The following WARS2 variants were observed in gnomAD, a reference collection of about 807,000 sequenced individuals.
The protein encoded by WARS2 is tryptophanyl tRNA synthetase 2, mitochondrial.
In WARS2, 28 loss-of-function variants were observed where a neutral mutation model predicts 36.5. The observed-to-expected ratio is 0.77, with a 90% CI of 0.57 to 1.05. WARS2 has a LOEUF of 1.05. Among genes scored for constraint, WARS2 ranks in the 50% least tolerant of loss-of-function variants. The pLI is 0.00. For synonymous variants in WARS2, 174 were observed against 178.4 expected (o/e 0.98, Z 0.20); for missense variants, 435 against 456.8 (o/e 0.95, Z 0.44).
intron 1 of WARS2, among the ~76,000 whole-genome samples, chr1:119,092,105 T>C (rs1277174089): frequency 6.6e-6 from 1 of 152,102 alleles, no homozygotes; most frequent in East Asian, 1.9e-4. Context: ...AGTGAGAATA[T>C]AAAGAGAGTT....
chr1:119,066,914 T>C (rs1279939090), intron 2 of WARS2, among the ~76,000 whole-genome samples: 8 of 152,164 alleles, frequency 5.3e-5, no homozygotes, highest in African/African-American at 1.9e-4. Context: ...AGAAAGTCTT[T>C]CACATGTGCA....
At chr1:119,097,243 C>T (rs1279598950) in intron 1 of WARS2, among the ~76,000 whole-genome samples, 1 of 152,120 alleles carries the variant, frequency 6.6e-6, no homozygotes, top group Non-Finnish European at 1.5e-5. Flanking sequence ...TTTAAAAATA[C>T]TGTAGCAGAA....
chr1:119,050,729 GA>G (rs1356599779), intron 2 of WARS2, among the ~76,000 whole-genome samples: 1 of 151,732 alleles, frequency 6.6e-6, no homozygotes, highest in Non-Finnish European at 1.5e-5. Flanking sequence ...TACCAACTAC[GA>G]AAAAAATTTT....
chr1:119,046,161 C>A (rs374004342), intron 2 of WARS2, among the ~76,000 whole-genome samples: 8 of 152,106 alleles, frequency 5.3e-5, no homozygotes, highest in South Asian at 2.1e-4. Flanking sequence ...AGATTGAATT[C>A]TTTAGATATA....
chr1:119,058,576 G>A (rs1028828528), intron 2 of WARS2, among the ~76,000 whole-genome samples: 2 of 125,958 alleles, frequency 1.6e-5, no homozygotes, highest in Non-Finnish European at 3.2e-5. Context: ...TTTTGTTCTT[G>A]CGATAGTTTA....
chr1:119,122,283 C>T (rs1557753989), intron 1 of WARS2, among the ~76,000 whole-genome samples: 1 of 152,212 alleles, frequency 6.6e-6, no homozygotes, highest in Middle Eastern at 3.4e-3. Flanking sequence ...CCAACAAGCA[C>T]ATGGAAAAAT....
In WARS2 at chr1:119,128,158, T is replaced by C. The variant is rs587638701; in HGVS notation, c.90+12397A>G. On this transcript the variant is annotated intron_variant, in intron 1 of 5. Coordinates refer to ENST00000235521, the MANE Select transcript of WARS2 (RefSeq NM_015836.4). Reference sequence around the variant, plus strand: ...GGTGCAATCTTGGCTCACTGCAACCTCCGCCTCCTGGGTTCAAGCTATTAT... The same window carrying C: ...GGTGCAATCTTGGCTCACTGCAACCCCCGCCTCCTGGGTTCAAGCTATTAT... 3.3e-5 allele frequency among the ~76,000 whole-genome samples: 5 copies of C among 152,254 alleles called. No individual in the cohort carries two copies. The South Asian group carries it at 1.0e-3, about 32-fold the overall frequency.
chr1:119,037,097 C>T (rs978975354), intron 4 of WARS2, among the ~76,000 whole-genome samples: 2 of 151,958 alleles, frequency 1.3e-5, no homozygotes, highest in East Asian at 3.9e-4. Flanking sequence ...AAATTTATAC[C>T]CTGCATAATG....
intron 1 of WARS2, among the ~76,000 whole-genome samples, chr1:119,113,100 T>A (rs1654751669): frequency 6.6e-6 from 1 of 152,200 alleles, no homozygotes; most frequent in Non-Finnish European, 1.5e-5. Flanking sequence ...TAAAAGGTGA[T>A]ATTTGTGAAG....
At chr1:119,103,968 A>G (rs1328931753) in intron 1 of WARS2, among the ~76,000 whole-genome samples, 1 of 150,498 alleles carries the variant, frequency 6.6e-6, no homozygotes, top group Non-Finnish European at 1.5e-5. Context: ...TTAATTAAAA[A>G]TATATTTTTA....
chr1:119,111,238 C>T (rs926959469), intron 1 of WARS2, among the ~76,000 whole-genome samples: 14 of 152,244 alleles, frequency 9.2e-5, no homozygotes, highest in African/African-American at 3.4e-4. Context: ...GTAAAAGGAA[C>T]TTCAGTAAAC....
At chr1:119,128,895 AT>A (rs1655886857) in intron 1 of WARS2, among the ~76,000 whole-genome samples, 1 of 152,174 alleles carries the variant, frequency 6.6e-6, no homozygotes, top group Admixed American at 6.5e-5. Flanking sequence ...CTGTGTCTCT[AT>A]TTTAGTCATA....
chr1:119,066,290 A>AAC, intron 2 of WARS2, among the ~76,000 whole-genome samples: 4 of 152,106 alleles, frequency 2.6e-5, no homozygotes, highest in African/African-American at 9.7e-5. Context: ...CATCCTGGCT[A>AAC]ATACGGTGAA....
At chr1:119,115,756 A>C (rs1331768870) in intron 1 of WARS2, among the ~76,000 whole-genome samples, 1 of 152,234 alleles carries the variant, frequency 6.6e-6, no homozygotes, top group African/African-American at 2.4e-5. Flanking sequence ...CTGGTTGAAA[A>C]GGACAGCCAA....
chr1:119,043,938 A>G (rs537493492), intron 3 of WARS2, among the ~76,000 whole-genome samples: 6 of 152,272 alleles, frequency 3.9e-5, no homozygotes, highest in South Asian at 2.1e-4. Context: ...TGCTGTCCCA[A>G]TGGAAACCAG....
At chr1:119,059,806 GC>G (rs1249331687) in intron 2 of WARS2, among the ~76,000 whole-genome samples, 2 of 152,134 alleles carry the variant, frequency 1.3e-5, no homozygotes, top group Non-Finnish European at 2.9e-5. Context: ...TGAGCTGGAG[GC>G]CATTATCCTT....
intron 3 of WARS2, 100 bp downstream of exon 3, chr1:119,045,482 T>A (rs908096012): frequency 1.0e-6 from 1 of 970,008 alleles, no homozygotes; most frequent in Non-Finnish European, 1.6e-6. Flanking sequence ...CATTAGTGAG[T>A]GGCAGACCAG....
rs587737153 is a variant in WARS2 at position 119,098,486 on chromosome 1, G to A, written c.91-21879C>T. Reference sequence around the variant, plus strand: ...GAGTTTAGCTCTTGTTGCCCAGGCTGGAGTGCAATGGCACGATCTCGGCTC... The same window carrying A: ...GAGTTTAGCTCTTGTTGCCCAGGCTAGAGTGCAATGGCACGATCTCGGCTC... On this transcript the variant is annotated intron_variant, in intron 1 of 5. Coordinates refer to ENST00000235521, the MANE Select transcript of WARS2 (RefSeq NM_015836.4). 7.9e-5 allele frequency among the ~76,000 whole-genome samples: 12 copies of A among 152,212 alleles called. No individual in the cohort carries two copies. In the South Asian group the frequency reaches 2.5e-3, roughly 32 times the overall value.
chr1:119,133,868 A>C lies in WARS2; in HGVS notation c.90+6687T>G, dbSNP rs184514528. Among the ~76,000 whole-genome samples, 3 of 152,336 alleles carry C rather than the reference A, an allele frequency of 2.0e-5. No individual in the cohort carries two copies. The East Asian group carries it at 5.8e-4, about 29-fold the overall frequency. The stretch of plus-strand genomic sequence containing the variant: ...AAAAAAAATGGGAAGGCACAATAAA[A>C]GTTTAATCAACGAGTAAAAATTTTT... On this transcript the variant is annotated intron_variant, in intron 1 of 5. Transcript: ENST00000235521.
Sources: allele counts gnomAD v4.1 joint callset (sites outside exome capture counted in the v4.1 genomes callset), GRCh38; gene constraint gnomAD v4.1.1; transcripts MANE v1.5; gene names NCBI Gene and HGNC (gene_info 2026-07-23, HGNC 2026-07-21).